PRELID2: variants seen among roughly 807,000 people sequenced by gnomAD.
The protein encoded by PRELID2 is PRELI domain-containing protein 2.
PRELID2 carries 25 observed loss-of-function variants against 28.4 expected under a neutral mutation model. That is an observed-to-expected ratio of 0.88 (90% CI 0.64 to 1.23). The LOEUF is 1.23. Ranked by LOEUF, PRELID2 falls within the 50% of genes most tolerant of loss-of-function variation. The pLI is 0.00. For synonymous variants in PRELID2, 76 were observed against 71.6 expected (o/e 1.06, Z -0.31); for missense variants, 201 against 214.4 (o/e 0.94, Z 0.39).
At chr5:145,544,069 C>G (rs1163400175) in intron 1 of PRELID2, among the ~76,000 whole-genome samples, 1 of 151,914 alleles carries the variant, frequency 6.6e-6, no homozygotes, top group Non-Finnish European at 1.5e-5. Context: ...CAGAGTGAAG[C>G]AGAATTTTAC....
chr5:145,602,206 C>G (rs1478159593), intron 1 of PRELID2, among the ~76,000 whole-genome samples: 1 of 152,114 alleles, frequency 6.6e-6, no homozygotes, highest in Non-Finnish European at 1.5e-5. Flanking sequence ...ACTCAAGCAC[C>G]TGCTTTAGGT....
At chr5:145,231,783 T>C in the PRELID2 span, among the ~76,000 whole-genome samples, 3 of 152,262 alleles carry the variant, frequency 2.0e-5, no homozygotes, top group South Asian at 6.2e-4. Context: ...ATTCCCTGGA[T>C]GGAAAACTGA....
At chr5:145,364,717 C>A in the PRELID2 span, among the ~76,000 whole-genome samples, 1 of 151,906 alleles carries the variant, frequency 6.6e-6, no homozygotes, top group Non-Finnish European at 1.5e-5. Context: ...AAATAAAATT[C>A]TATGGTATAT....
chr5:145,414,245 C>G, the PRELID2 span, among the ~76,000 whole-genome samples: 2 of 152,166 alleles, frequency 1.3e-5, no homozygotes. Context: ...TTCAAAATCT[C>G]TGGCCACATG....
intron 1 of PRELID2, among the ~76,000 whole-genome samples, chr5:145,681,377 A>G (rs971401339): frequency 2.6e-5 from 4 of 152,054 alleles, no homozygotes; most frequent in African/African-American, 9.7e-5. Context: ...TCTCTCTTGT[A>G]CAGGAAGATA....
chr5:145,698,289 C>T (rs1468089270), intron 1 of PRELID2, among the ~76,000 whole-genome samples: 1 of 152,204 alleles, frequency 6.6e-6, no homozygotes, highest in Non-Finnish European at 1.5e-5. Flanking sequence ...AGTATACATT[C>T]ATCACCAATG....
chr5:145,362,639 G>T, the PRELID2 span, among the ~76,000 whole-genome samples: 28 of 152,122 alleles, frequency 1.8e-4, 1 homozygote, highest in South Asian at 5.8e-3. Context: ...TACATCTATA[G>T]GTCCTGGACC....
At chr5:145,675,625 A>G (rs1754798898) in intron 1 of PRELID2, among the ~76,000 whole-genome samples, 1 of 152,046 alleles carries the variant, frequency 6.6e-6, no homozygotes, top group Non-Finnish European at 1.5e-5. Context: ...AATAGCTACC[A>G]ATAGAGAACT....
chr5:145,320,027 T>C, the PRELID2 span, among the ~76,000 whole-genome samples: 5 of 152,370 alleles, frequency 3.3e-5, no homozygotes, highest in Admixed American at 2.6e-4. Context: ...AAGGGAAATA[T>C]AATCCATCTT....
intron 4 of PRELID2, among the ~76,000 whole-genome samples, chr5:145,806,035 G>A (rs1024732108): frequency 6.6e-6 from 1 of 152,192 alleles, no homozygotes; most frequent in African/African-American, 2.4e-5. Flanking sequence ...TGAGTGGTGA[G>A]TCAATGCAAA....
chr5:145,485,777 A>T (rs1752212076), intron 1 of PRELID2, among the ~76,000 whole-genome samples: 1 of 152,124 alleles, frequency 6.6e-6, no homozygotes, highest in Non-Finnish European at 1.5e-5. Flanking sequence ...TCTCCTGCCA[A>T]ATTAAGCTGT....
At chr5:145,496,121 C>T (rs1400143000) in intron 1 of PRELID2, among the ~76,000 whole-genome samples, 6 of 152,070 alleles carry the variant, frequency 3.9e-5, no homozygotes, top group Non-Finnish European at 8.8e-5. Flanking sequence ...TGAAAAAAGA[C>T]AGACAAAAAT....
At chr5:145,235,772 CAT>C in the PRELID2 span, among the ~76,000 whole-genome samples, 1 of 152,024 alleles carries the variant, frequency 6.6e-6, no homozygotes, top group Admixed American at 6.6e-5. Context: ...TAGCAGGAAA[CAT>C]ATCCCAGGCA....
intron 1 of PRELID2, among the ~76,000 whole-genome samples, chr5:145,602,304 A>G (rs549756159): frequency 1.3e-5 from 2 of 152,372 alleles, no homozygotes; most frequent in South Asian, 4.1e-4. Context: ...TTGTGCTAGC[A>G]TCTGGAAGGA....
intron 1 of PRELID2, among the ~76,000 whole-genome samples, chr5:145,546,721 T>A (rs1752791403): frequency 6.6e-6 from 1 of 152,186 alleles, no homozygotes; most frequent in Non-Finnish European, 1.5e-5. Flanking sequence ...GATCTTTAAC[T>A]GGTTATGTTC....
chr5:145,316,051 C>A, the PRELID2 span, among the ~76,000 whole-genome samples: 1 of 152,094 alleles, frequency 6.6e-6, no homozygotes, highest in Admixed American at 6.6e-5. Flanking sequence ...TGCTGTGTTT[C>A]TCTTTCTATC....
At chr5:145,746,945 C>A (rs2149747178) in intron 1 of PRELID2, among the ~76,000 whole-genome samples, 1 of 152,164 alleles carries the variant, frequency 6.6e-6, no homozygotes, top group African/African-American at 2.4e-5. Context: ...GGGTAAATTA[C>A]AAAATTAAGG....
intron 1 of PRELID2, among the ~76,000 whole-genome samples, chr5:145,667,087 T>C (rs545539213): frequency 6.6e-6 from 1 of 152,234 alleles, no homozygotes; most frequent in South Asian, 2.1e-4. Context: ...TGAACATTTA[T>C]TTGAAATCAT....
At chr5:145,434,075 T>C in the PRELID2 span, among the ~76,000 whole-genome samples, 1 of 152,186 alleles carries the variant, frequency 6.6e-6, no homozygotes, top group African/African-American at 2.4e-5. Context: ...GTTTTTCCCA[T>C]GACAGAACCA....
Sources: allele counts gnomAD v4.1 joint callset (sites outside exome capture counted in the v4.1 genomes callset), GRCh38; gene constraint gnomAD v4.1.1; transcripts MANE v1.5; gene names NCBI Gene and HGNC (gene_info 2026-07-23, HGNC 2026-07-21).